LRRC28: variants seen among roughly 807,000 people sequenced by gnomAD.
LRRC28 encodes the protein leucine rich repeat containing 28.
Under a neutral mutation model 45.7 loss-of-function variants are expected in LRRC28, and 39 were observed. The observed-to-expected ratio is 0.85, with a 90% CI of 0.66 to 1.12. The LOEUF (loss-of-function observed/expected upper bound fraction) is 1.12. Ranked by LOEUF, LRRC28 falls within the 50% of genes most tolerant of loss-of-function variation. The probability of loss-of-function intolerance (pLI) is 0.00; values close to 1 mark genes in which losing one functional copy is unlikely to be tolerated. For missense variants in LRRC28, 435 were observed against 438.5 expected (o/e 0.99, Z 0.07); for synonymous variants, 206 against 178.8 (o/e 1.15, Z -1.22).
chr15:99,362,779 C>T (rs1306942149), intron 8 of LRRC28, among the ~76,000 whole-genome samples: 2 of 152,122 alleles, frequency 1.3e-5, no homozygotes, highest in Non-Finnish European at 2.9e-5. Flanking sequence ...ATTAAAGTTT[C>T]AAAGTCCTCT....
intron 2 of LRRC28, among the ~76,000 whole-genome samples, chr15:99,268,362 C>A (rs1210190975): frequency 1.3e-5 from 2 of 151,972 alleles, no homozygotes; most frequent in Non-Finnish European, 2.9e-5. Flanking sequence ...TAGTTTCTGC[C>A]TAGGGAGTTA....
chr15:99,286,672 T>C (rs1479214941), intron 3 of LRRC28: 6 of 152,392 alleles, frequency 3.9e-5, no homozygotes, highest in Non-Finnish European at 7.3e-5. Flanking sequence ...TCTCAGCCTC[T>C]GTGAAAAAGA....
At chr15:99,258,745 TGAAGGA>T (rs1412214455) in intron 2 of LRRC28, 1 of 699,716 alleles carries the variant, frequency 1.4e-6, no homozygotes. Context: ...ACTTTACTGC[TGAAGGA>T]GAAGTTACCT....
chr15:99,359,764 G>A (rs1957147262), intron 7 of LRRC28, among the ~76,000 whole-genome samples: 1 of 152,192 alleles, frequency 6.6e-6, no homozygotes, highest in South Asian at 2.1e-4. Context: ...TTCATCCATA[G>A]TATGGAATAT....
At chr15:99,351,239 A>AT (rs1956867959) in intron 6 of LRRC28, among the ~76,000 whole-genome samples, 1 of 152,172 alleles carries the variant, frequency 6.6e-6, no homozygotes, top group Non-Finnish European at 1.5e-5. Flanking sequence ...CTGGTCGGAC[A>AT]TTCCTGGGCA....
At chr15:99,351,312 T>G (rs1350292577) in intron 6 of LRRC28, among the ~76,000 whole-genome samples, 1 of 152,176 alleles carries the variant, frequency 6.6e-6, no homozygotes, top group Non-Finnish European at 1.5e-5. Flanking sequence ...GCCGGGAATC[T>G]CCATCCGTAC....
intron 6 of LRRC28, among the ~76,000 whole-genome samples, chr15:99,347,680 A>T (rs751812348): frequency 2.6e-5 from 4 of 152,184 alleles, no homozygotes; most frequent in South Asian, 2.1e-4. Context: ...TCATTCATCA[A>T]TGGGCATTTA....
intron 9 of LRRC28, among the ~76,000 whole-genome samples, chr15:99,381,986 A>G (rs1185424963): frequency 6.6e-6 from 1 of 152,208 alleles, no homozygotes; most frequent in African/African-American, 2.4e-5. Flanking sequence ...TCAGGGACCC[A>G]CTTGAGGGGG....
chr15:99,357,679 T>C (rs189932368), intron 7 of LRRC28, among the ~76,000 whole-genome samples: 1 of 152,328 alleles, frequency 6.6e-6, no homozygotes, highest in East Asian at 1.9e-4. Flanking sequence ...TGTGTACTTT[T>C]CTATATGATT....
At chr15:99,268,658 C>G (rs1180835286) in intron 2 of LRRC28, among the ~76,000 whole-genome samples, 1 of 152,048 alleles carries the variant, frequency 6.6e-6, no homozygotes. Flanking sequence ...GAACATGCTC[C>G]CCACCCCACC....
At chr15:99,336,156 T>C (rs573492039) in intron 6 of LRRC28, among the ~76,000 whole-genome samples, 10 of 152,356 alleles carry the variant, frequency 6.6e-5, no homozygotes, top group Non-Finnish European at 1.0e-4. Context: ...AGCTACCATT[T>C]ATTGAGCACC....
intron 2 of LRRC28, among the ~76,000 whole-genome samples, chr15:99,275,546 A>G (rs751795033): frequency 1.3e-5 from 2 of 152,218 alleles, no homozygotes; most frequent in Non-Finnish European, 2.9e-5. Flanking sequence ...TTAGTTTTTC[A>G]GGGCTGCCGT....
intron 3 of LRRC28, chr15:99,284,799 T>G: frequency 1.9e-6 from 1 of 539,296 alleles, no homozygotes; most frequent in Non-Finnish European, 3.6e-6. Context: ...GTCAAAATCA[T>G]TGTAGCTTCC....
At chr15:99,309,751 T>G (rs536303320) in intron 5 of LRRC28, among the ~76,000 whole-genome samples, 1 of 152,204 alleles carries the variant, frequency 6.6e-6, no homozygotes. Flanking sequence ...TTCCACAATT[T>G]CTTATCTTAG....
chr15:99,373,419 GAT>G (rs1461671910), intron 9 of LRRC28, among the ~76,000 whole-genome samples: 2 of 151,850 alleles, frequency 1.3e-5, no homozygotes, highest in East Asian at 3.9e-4. Flanking sequence ...GTACATAGTA[GAT>G]ATATATATTT....
chr15:99,268,420 TAGAAC>T (rs1188837934), intron 2 of LRRC28, among the ~76,000 whole-genome samples: 3 of 152,146 alleles, frequency 2.0e-5, no homozygotes, highest in Non-Finnish European at 4.4e-5. Context: ...GGTCTTTTCT[TAGAAC>T]AGACCATTAT....
rs552319423 is a variant in LRRC28, at chr15:99,389,871, C to T, written c.*3769C>T. On this transcript the variant is annotated 3_prime_UTR_variant, in exon 10 of 10. Transcript: ENST00000301981. ...GTGGCTCATGCCTATAATCCCAGCA[C>T]TTTGGGAGGCCGAGGAGGGCAGATC... The T allele has an allele frequency of 2.0e-5, 3 of 152,314 alleles. No individual in the cohort carries two copies. The highest frequency in any genetic ancestry group is 7.2e-5 in the African/African-American group (3 of 41,556). The allele number at this position is 152,314 out of a possible 1,614,324, so 9.4% of individuals were successfully genotyped here. A position where few individuals can be genotyped will look rare whatever the true frequency, so the allele number is the denominator to read the frequency against.
rs538295596 is a variant in LRRC28 at position 99,306,573 on chromosome 15, T to C, written c.385+18622T>C. On this transcript the variant is annotated intron_variant, in intron 5 of 9. Transcript: ENST00000301981. ...AGTAATGTATGAAAATTATTGTTAA[T>C]TTTGTTAAATTCTTTTATGTATTTG... is the stretch of plus-strand genomic sequence containing the variant. 2.4e-4 allele frequency among the ~76,000 whole-genome samples: 36 copies of C among 152,370 alleles called. No individual in the cohort carries two copies. In the Middle Eastern group the frequency reaches 0.01, roughly 43 times the overall value.
At chr15:99,342,777 T>C (rs530003320) in intron 6 of LRRC28, among the ~76,000 whole-genome samples, 3 of 152,350 alleles carry the variant, frequency 2.0e-5, no homozygotes, top group Admixed American at 6.5e-5. Context: ...TAAAATCTAT[T>C]TATTTTAATT....
Sources: gnomAD v4.1 joint callset for allele counts (sites outside exome capture counted in the v4.1 genomes callset) on GRCh38, gnomAD v4.1.1 for gene constraint, MANE v1.5 for transcripts, NCBI Gene and HGNC (gene_info 2026-07-23, HGNC 2026-07-21) for gene names.